The following CCNY variants were observed in gnomAD, a reference collection of about 807,000 sequenced individuals.
CCNY encodes cyclin Y.
In CCNY, 19 loss-of-function variants were observed where a neutral mutation model predicts 42.8. The ratio of observed to expected loss-of-function variants is 0.44; its 90% CI spans 0.31 to 0.65. The LOEUF (loss-of-function observed/expected upper bound fraction) is 0.65, where lower values mean the gene tolerates loss of function less well. Ranked by LOEUF, CCNY falls within the 30% of genes least tolerant of loss-of-function variation. The pLI is 0.07. For synonymous variants in CCNY, 165 were observed against 162.7 expected (o/e 1.01, Z -0.11); for missense variants, 370 against 437.3 (o/e 0.85, Z 1.37).
intron 3 of CCNY, among the ~76,000 whole-genome samples, chr10:35,268,126 C>T (rs1042644247): frequency 2.0e-5 from 3 of 152,086 alleles, no homozygotes; most frequent in Admixed American, 2.0e-4. Flanking sequence ...AACTCCTGGC[C>T]TCAAGTGATC....
At chr10:35,305,438 A>G (rs1256050744) in intron 3 of CCNY, among the ~76,000 whole-genome samples, 4 of 152,208 alleles carry the variant, frequency 2.6e-5, no homozygotes, top group Non-Finnish European at 5.9e-5. Flanking sequence ...ATTACATGCA[A>G]ACACTTTGGT....
chr10:35,325,722 G>A (rs530849063), intron 3 of CCNY, among the ~76,000 whole-genome samples: 1 of 152,062 alleles, frequency 6.6e-6, no homozygotes, highest in Non-Finnish European at 1.5e-5. Flanking sequence ...ACCCGCCTCG[G>A]CCTCCCAAAG....
In CCNY at chr10:35,336,904, G is replaced by C. The variant is rs1836047745; in HGVS notation, c.-150G>C. 2 of 183,356 alleles carry C rather than the reference G, an allele frequency of 1.1e-5. No individual in the cohort carries two copies. The highest frequency in any genetic ancestry group is 1.4e-4 in the African/African-American group (1 of 7,348). 11.4% of individuals were successfully genotyped at this position (183,356 alleles called of 1,614,324 possible). ...CCGCCGCCGCCGCCGCTGCTGACCC[G>C]GCGGCCGGCCGCCGTTCCGCCCCCT... On this transcript the variant is annotated 5_prime_UTR_variant, in exon 1 of 10. Coordinates refer to ENST00000374704, the MANE Select transcript of CCNY (RefSeq NM_145012.6).
intron 3 of CCNY, among the ~76,000 whole-genome samples, chr10:35,316,971 G>A (rs1420017741): frequency 2.0e-5 from 3 of 152,000 alleles, no homozygotes; most frequent in Non-Finnish European, 2.9e-5. Flanking sequence ...TCAGCCTCCC[G>A]AGTAGCTGGG....
chr10:35,247,856 A>G (rs1045246511), intron 1 of CCNY, among the ~76,000 whole-genome samples: 1 of 145,386 alleles, frequency 6.9e-6, no homozygotes, highest in Non-Finnish European at 1.5e-5. Flanking sequence ...AGCCTGGGTG[A>G]CAGAGCAAGA....
At chr10:35,397,013 G>T (rs1484645243) in intron 1 of CCNY, among the ~76,000 whole-genome samples, 2 of 152,198 alleles carry the variant, frequency 1.3e-5, no homozygotes, top group Non-Finnish European at 2.9e-5. Flanking sequence ...CTCAGAGGGA[G>T]CAGGTTCTTA....
intron 3 of CCNY, among the ~76,000 whole-genome samples, chr10:35,297,565 C>T (rs1305109585): frequency 6.6e-6 from 1 of 152,156 alleles, no homozygotes; most frequent in Non-Finnish European, 1.5e-5. Flanking sequence ...TCCCTGTTTA[C>T]AGATGATATG....
intron 2 of CCNY, among the ~76,000 whole-genome samples, chr10:35,488,274 C>T (rs1470249004): frequency 6.6e-6 from 1 of 152,218 alleles, no homozygotes; most frequent in Non-Finnish European, 1.5e-5. Context: ...AAAAAATATT[C>T]TGTGGCTGTC....
rs147821982 is a variant in CCNY, at chr10:35,535,506, A to G, written c.579+5263A>G. 9.7e-4 allele frequency among the ~76,000 whole-genome samples: 148 copies of G among 151,826 alleles called. 1 individual carries two copies. The highest frequency in any genetic ancestry group is 2.3e-3 in the South Asian group (11 of 4,806). On this transcript the variant is annotated intron_variant, in intron 7 of 9. Transcript: ENST00000374704. ...TGGCTCTCTCTGTCTCTCTCCCTAT[A>G]TGTGTATGTATATGTGTATGTATAC...
At chr10:35,254,893 A>G (rs1323689881) in intron 3 of CCNY, among the ~76,000 whole-genome samples, 2 of 149,930 alleles carry the variant, frequency 1.3e-5, no homozygotes, top group East Asian at 1.9e-4. Flanking sequence ...TTTAATTTCT[A>G]TGAATTTTCC....
intron 1 of CCNY, among the ~76,000 whole-genome samples, chr10:35,420,846 G>A (rs569597840): frequency 6.6e-6 from 1 of 152,336 alleles, no homozygotes; most frequent in Non-Finnish European, 1.5e-5. Flanking sequence ...ATGGCAATGA[G>A]TCTGAATTCT....
At chr10:35,465,961 C>CTGTGTG (rs68166048) in intron 1 of CCNY, among the ~76,000 whole-genome samples, 2 of 94,640 alleles carry the variant, frequency 2.1e-5, no homozygotes, top group African/African-American at 4.0e-5. Flanking sequence ...GTGTGTGTGT[C>CTGTGTG]TGTGTGTGTG....
At chr10:35,520,013 C>T (rs1840516269) in intron 4 of CCNY, among the ~76,000 whole-genome samples, 1 of 152,080 alleles carries the variant, frequency 6.6e-6, no homozygotes, top group Non-Finnish European at 1.5e-5. Flanking sequence ...AATCTACCCA[C>T]CTTGGCCTCC....
At chr10:35,560,606 C>T (rs1173001935) in intron 8 of CCNY, among the ~76,000 whole-genome samples, 3 of 152,108 alleles carry the variant, frequency 2.0e-5, no homozygotes, top group Non-Finnish European at 2.9e-5. Flanking sequence ...AAGCCCCTAG[C>T]ATTTTCATTA....
At chr10:35,289,879 A>C (rs1835391854) in intron 3 of CCNY, among the ~76,000 whole-genome samples, 1 of 66,188 alleles carries the variant, frequency 1.5e-5, no homozygotes, top group Admixed American at 1.8e-4. Context: ...ACTCTGTCTC[A>C]AAAAAAAAAA....
chr10:35,503,116 A>T (rs1315681461), intron 3 of CCNY, among the ~76,000 whole-genome samples: 3 of 151,886 alleles, frequency 2.0e-5, no homozygotes, highest in Non-Finnish European at 4.4e-5. Flanking sequence ...CACACACCTA[A>T]CCTTGCCATT....
At chr10:35,486,636 C>G (rs146979263) in intron 2 of CCNY, among the ~76,000 whole-genome samples, 6 of 152,326 alleles carry the variant, frequency 3.9e-5, no homozygotes, top group African/African-American at 1.2e-4. Context: ...CAAGGGCTCC[C>G]CAGTTGCTTT....
chr10:35,469,941 GAGAC>G (rs1466794815), intron 1 of CCNY, among the ~76,000 whole-genome samples: 3 of 145,008 alleles, frequency 2.1e-5, no homozygotes, highest in East Asian at 2.1e-4. Context: ...GGGCAATGGA[GAGAC>G]AGACAGGGAG....
chr10:35,316,824 T>C (rs908885502), intron 3 of CCNY, among the ~76,000 whole-genome samples: 5 of 152,212 alleles, frequency 3.3e-5, no homozygotes, highest in Non-Finnish European at 7.3e-5. Flanking sequence ...AATTCACTGA[T>C]TGAGGTATTG....
Sources: gnomAD v4.1 joint callset for allele counts (sites outside exome capture counted in the v4.1 genomes callset) on GRCh38, gnomAD v4.1.1 for gene constraint, MANE v1.5 for transcripts, NCBI Gene and HGNC (gene_info 2026-07-23, HGNC 2026-07-21) for gene names.